NKAIN3: variants seen among roughly 807,000 people sequenced by gnomAD.
NKAIN3 encodes sodium/potassium transporting ATPase interacting 3, also known as sodium/potassium-transporting ATPase subunit beta-1-interacting protein 3.
NKAIN3 carries 25 observed loss-of-function variants against 30.2 expected under a neutral mutation model. That is an observed-to-expected ratio of 0.83 (90% confidence interval 0.60 to 1.16). The LOEUF (loss-of-function observed/expected upper bound fraction) is 1.16. Among genes scored for constraint, NKAIN3 ranks in the 50% most tolerant of loss-of-function variants. NKAIN3 has a pLI of 0.00. For synonymous variants in NKAIN3, 91 were observed against 89.6 expected (o/e 1.02, Z -0.09); for missense variants, 225 against 254.1 (o/e 0.89, Z 0.78).
chr8:62,884,073 C>T (rs957004603), intron 4 of NKAIN3, among the ~76,000 whole-genome samples: 22 of 152,214 alleles, frequency 1.4e-4, no homozygotes, highest in African/African-American at 5.3e-4. Flanking sequence ...AGTCATGATG[C>T]AGAACTCTTT....
intron 1 of NKAIN3, among the ~76,000 whole-genome samples, chr8:62,262,428 A>G (rs1325813537): frequency 1.3e-5 from 2 of 152,142 alleles, no homozygotes; most frequent in African/African-American, 4.8e-5. Flanking sequence ...TACCACTGGG[A>G]CCTACACTCA....
At chr8:62,754,337 G>A (rs1816380831) in intron 4 of NKAIN3, among the ~76,000 whole-genome samples, 1 of 149,192 alleles carries the variant, frequency 6.7e-6, no homozygotes, top group African/African-American at 2.5e-5. Context: ...GGTAAACATG[G>A]ATTCATATGC....
At chr8:62,442,925 G>A (rs1214606681) in intron 1 of NKAIN3, among the ~76,000 whole-genome samples, 1 of 151,750 alleles carries the variant, frequency 6.6e-6, no homozygotes, top group Non-Finnish European at 1.5e-5. Context: ...CACTTGATCA[G>A]TGAAAAATAT....
intron 4 of NKAIN3, among the ~76,000 whole-genome samples, chr8:62,904,030 A>G: frequency 6.6e-6 from 1 of 152,174 alleles, no homozygotes; most frequent in Non-Finnish European, 1.5e-5. Context: ...TTGCTGTCCA[A>G]TCCACTGAGG....
At chr8:62,906,913 C>G (rs914186141) in intron 4 of NKAIN3, among the ~76,000 whole-genome samples, 1 of 152,066 alleles carries the variant, frequency 6.6e-6, no homozygotes, top group East Asian at 1.9e-4. Flanking sequence ...TAAAGATACC[C>G]AAAGATGTAT....
chr8:62,658,869 A>G (rs1242462045), intron 3 of NKAIN3, among the ~76,000 whole-genome samples: 1 of 151,980 alleles, frequency 6.6e-6, no homozygotes, highest in Non-Finnish European at 1.5e-5. Flanking sequence ...TTAAGTGTCA[A>G]AATGTTCTGC....
chr8:62,808,958 G>T (rs4260886), intron 4 of NKAIN3, among the ~76,000 whole-genome samples: 163 of 152,170 alleles, frequency 1.1e-3, no homozygotes, highest in Non-Finnish European at 1.8e-3. Flanking sequence ...TCCCTTATCT[G>T]CAACTGTATA....
chr8:62,349,004 G>A (rs559960249), intron 1 of NKAIN3, among the ~76,000 whole-genome samples: 20 of 152,232 alleles, frequency 1.3e-4, no homozygotes, highest in South Asian at 4.1e-4. Context: ...TTAAGTGGCT[G>A]TGTAACCCTT....
intron 1 of NKAIN3, among the ~76,000 whole-genome samples, chr8:62,424,473 A>G (rs188819959): frequency 1.3e-3 from 193 of 152,092 alleles, no homozygotes; most frequent in African/African-American, 4.6e-3. Context: ...TAACCCACTT[A>G]AAAAGTGTGT....
chr8:62,387,667 C>G (rs573574772), intron 1 of NKAIN3, among the ~76,000 whole-genome samples: 1 of 152,248 alleles, frequency 6.6e-6, no homozygotes, highest in East Asian at 1.9e-4. Flanking sequence ...ATAACATTCC[C>G]CCAAGTTGGT....
At chr8:62,276,520 G>A (rs1324485631) in intron 1 of NKAIN3, among the ~76,000 whole-genome samples, 1 of 152,164 alleles carries the variant, frequency 6.6e-6, no homozygotes, top group Non-Finnish European at 1.5e-5. Flanking sequence ...GTACTAATGA[G>A]CAGTTACGAA....
At chr8:62,407,256 A>C (rs530065105) in intron 1 of NKAIN3, among the ~76,000 whole-genome samples, 30 of 151,880 alleles carry the variant, frequency 2.0e-4, no homozygotes, top group Non-Finnish European at 3.5e-4. Flanking sequence ...ATATGTATAT[A>C]TATATACACA....
At chr8:62,474,449 C>T (rs1407727297) in intron 1 of NKAIN3, among the ~76,000 whole-genome samples, 1 of 152,104 alleles carries the variant, frequency 6.6e-6, no homozygotes, top group East Asian at 1.9e-4. Context: ...CCTACTAATT[C>T]CCTCTCATAG....
chr8:62,258,071 G>A (rs13268451), intron 1 of NKAIN3, among the ~76,000 whole-genome samples: 89,884 of 151,736 alleles, frequency 0.59, 26,962 homozygotes, highest in East Asian at 0.68. Context: ...CTCACAAATT[G>A]TACCTGTGTT....
intron 3 of NKAIN3, among the ~76,000 whole-genome samples, chr8:62,727,125 G>A (rs576955418): frequency 5.3e-5 from 8 of 152,104 alleles, no homozygotes; most frequent in Non-Finnish European, 1.0e-4. Flanking sequence ...AATAGATGCA[G>A]AAAAAGCATT....
intron 3 of NKAIN3, among the ~76,000 whole-genome samples, chr8:62,595,792 G>A (rs966853857): frequency 7.2e-5 from 11 of 151,940 alleles, no homozygotes; most frequent in Middle Eastern, 3.2e-3. Context: ...AGATTTCCTC[G>A]GGAGGGGTGC....
chr8:62,491,195 G>A (rs1807055924), intron 1 of NKAIN3, among the ~76,000 whole-genome samples: 1 of 152,158 alleles, frequency 6.6e-6, no homozygotes, highest in South Asian at 2.1e-4. Context: ...AAATCTCAGT[G>A]TGCTTCTTCC....
chr8:62,935,775 G>T (rs997240414), intron 5 of NKAIN3, among the ~76,000 whole-genome samples: 2 of 152,084 alleles, frequency 1.3e-5, no homozygotes, highest in Non-Finnish European at 2.9e-5. Context: ...TAAAATTTAA[G>T]TGGATATGAG....
intron 1 of NKAIN3, among the ~76,000 whole-genome samples, chr8:62,250,676 A>G (rs561202205): frequency 6.6e-6 from 1 of 152,338 alleles, no homozygotes; most frequent in East Asian, 1.9e-4. Flanking sequence ...TATGTAGCAG[A>G]TTTATCAATG....
Sources: allele counts gnomAD v4.1 joint callset (sites outside exome capture counted in the v4.1 genomes callset), GRCh38; gene constraint gnomAD v4.1.1; transcripts MANE v1.5; gene names NCBI Gene and HGNC (gene_info 2026-07-23, HGNC 2026-07-21).